The following ABCA6 variants were observed in gnomAD, a reference collection of about 807,000 sequenced individuals.
ABCA6 encodes the protein ATP binding cassette subfamily A member 6, also known as ATP-binding cassette sub-family A member 6.
In ABCA6, 164 loss-of-function variants were observed where a neutral mutation model predicts 191.2. The ratio of observed to expected loss-of-function variants is 0.86; its 90% CI spans 0.76 to 0.98. The LOEUF (loss-of-function observed/expected upper bound fraction) is 0.98, where lower values mean the gene tolerates loss of function less well. ABCA6 is among the 50% of genes least tolerant of loss of function. The pLI, the probability that ABCA6 is intolerant of heterozygous loss-of-function variation, is 0.00. For missense variants in ABCA6, 1,958 were observed against 1,894.1 expected (o/e 1.03, Z -0.63); for synonymous variants, 636 against 647.7 (o/e 0.98, Z 0.27).
At chr17:69,100,028 G>C (rs1387696736) in intron 22 of ABCA6, among the ~76,000 whole-genome samples, 3 of 152,222 alleles carry the variant, frequency 2.0e-5, no homozygotes, top group Non-Finnish European at 4.4e-5. Flanking sequence ...TTGGTATCAG[G>C]CAGGGTCTAA....
intron 11 of ABCA6, among the ~76,000 whole-genome samples, chr17:69,117,012 T>G (rs937266582): frequency 1.3e-5 from 2 of 152,060 alleles, no homozygotes; most frequent in Non-Finnish European, 2.9e-5. Context: ...AGTAATCAAT[T>G]TAAAATTATT....
rs1281578211 is a variant in ABCA6 at position 69,113,263 on chromosome 17, A to G, written c.2000T>C (p.Leu667Pro). The G allele has an allele frequency of 1.2e-6, 2 of 1,605,502 alleles. No homozygotes were observed. Among genetic ancestry groups the G allele is most frequent in the South Asian group, 2.2e-5 (2 of 89,934 alleles). The change falls in exon 15 of 39, where the codon CTT (leucine) becomes CCT (proline). Residue 667 changes from leucine (L) to proline (P), a missense_variant. Physicochemically the swap from Leu to Pro is moderately conservative, Grantham distance 98. Transcript: ENST00000284425. ...LRERRADHVI[L>P]FSTQSMDEAD... is the part of the protein sequence containing the mutation. ...CTCATCCATGGACTGGGTACTGAAA[A>G]GGATCACATGATCTGCTCTACGCTC... is the stretch of plus-strand genomic sequence containing the variant.
intron 2 of ABCA6, among the ~76,000 whole-genome samples, chr17:69,137,955 G>A (rs919914401): frequency 6.6e-6 from 1 of 152,170 alleles, no homozygotes; most frequent in Admixed American, 6.6e-5. Context: ...GTTCACCAAT[G>A]TCAATCATCA....
rs2073997536 is a variant in ABCA6, at chr17:69,139,536, T to G, written c.96+1072A>C. Among the ~76,000 whole-genome samples, 8 of 152,284 alleles carry G rather than the reference T, an allele frequency of 5.3e-5. No individual in the cohort carries two copies. The South Asian group carries it at 1.2e-3, about 24-fold the overall frequency. On this transcript the variant is annotated intron_variant, in intron 2 of 38. Transcript: ENST00000284425. ...AGTTCAACCATTGTGGAAGTCAGTG[T>G]GGTGATTCCTCAGGGATCTAGAACT...
chr17:69,087,266 T>G, intron 29 of ABCA6, 87 bp downstream of exon 29: 1 of 1,537,084 alleles, frequency 6.5e-7, no homozygotes, highest in African/African-American at 1.4e-5. Flanking sequence ...CTCCAAACTC[T>G]CAAAATGAAA....
rs1427040232 is a variant in ABCA6, at chr17:69,082,893, T to G, written c.4596A>C (p.Pro1532=). 6.2e-7 allele frequency: 1 copy of G among 1,614,200 alleles called. No individual in the cohort carries two copies. Among genetic ancestry groups the G allele is most frequent in the African/African-American group, 1.3e-5 (1 of 75,048 alleles). Residue 1532 remains proline, a synonymous_variant, in exon 36 of 39, where the codon CCA becomes CCC. Transcript: ENST00000284425. The part of the protein sequence containing the change: ...LVHTEILKLF[P]QAAGQERYSS... ...CTCACCTTTCCTGCCCTGCAGCCTG[T>G]GGGAAAAGCTTCAGAATCTCAGTGT...
rs376245759 is a variant in ABCA6 at position 69,096,231 on chromosome 17, T to C, written c.3408+9A>G. On this transcript the variant is annotated intron_variant, in intron 25 of 38. Transcript: ENST00000284425. Reference sequence around the variant, plus strand: ...ACTATTTCTCTATTTGTATGTATTATATACTTACAAAAAAGAAGTAAAATG... The same window carrying C: ...ACTATTTCTCTATTTGTATGTATTACATACTTACAAAAAAGAAGTAAAATG... The C allele has an allele frequency of 1.5e-6, 2 of 1,348,252 alleles. No individual in the cohort carries two copies. Among genetic ancestry groups the C allele is most frequent in the African/African-American group, 1.5e-5 (1 of 67,554 alleles). 83.5% of individuals were successfully genotyped at this position (1,348,252 alleles called of 1,614,324 possible).
chr17:69,125,036 C>A lies in ABCA6; in HGVS notation c.1120-1G>T. 2.3e-6 allele frequency: 3 copies of A among 1,332,510 alleles called. No homozygotes were observed. Among genetic ancestry groups the A allele is most frequent in the South Asian group, 2.0e-5 (1 of 49,624 alleles). The allele number at this position is 1,332,510 out of a possible 1,614,324, so 82.5% of individuals were successfully genotyped here. A position where few individuals can be genotyped will look rare whatever the true frequency, so the allele number is the denominator to read the frequency against. On this transcript the variant is annotated splice_acceptor_variant, in intron 8 of 38. Coordinates refer to ENST00000284425, the MANE Select transcript of ABCA6 (RefSeq NM_080284.3). LOFTEE classifies it high-confidence loss of function. ...TCAAGTTATAATCCAGTTTGATAAT[C>A]TAAGATTCAAAAAATAAAAATAAAT...
At chr17:69,129,197 G>A (rs143293866) in intron 7 of ABCA6, among the ~76,000 whole-genome samples, 62 of 152,150 alleles carry the variant, frequency 4.1e-4, no homozygotes, top group African/African-American at 1.3e-3. Context: ...AAGGCAGAGC[G>A]GAGTGAAACG....
Position 69,114,793 on chromosome 17 carries a change from T to A in ABCA6, c.1751A>T (p.Lys584Ile). 6.2e-7 allele frequency: 1 copy of A among 1,612,226 alleles called. No individual in the cohort carries two copies. The highest frequency in any genetic ancestry group is 8.5e-7 in the Non-Finnish European group (1 of 1,179,058). Residue 584 changes from lysine (K) to isoleucine (I), a missense_variant, in exon 13 of 39, where the codon AAA becomes ATA. By Grantham distance (102) the Lys-to-Ile change is moderately radical. Coordinates refer to ENST00000284425, the MANE Select transcript of ABCA6 (RefSeq NM_080284.3). Reference protein sequence around the residue: ...KENLSLFAKIKGIHLKEVEQE... With the variant: ...KENLSLFAKIIGIHLKEVEQE... Reference sequence around the variant, plus strand: ...TTCCACTTCCTTTAGATGAATCCCTTTTATTTTAGCAAACAGGCTGAGGTT... The same window carrying A: ...TTCCACTTCCTTTAGATGAATCCCTATTATTTTAGCAAACAGGCTGAGGTT...
At position 69,107,774 on chromosome 17, in the gene ABCA6, C is replaced by T. The variant is rs1349613364; in HGVS notation, c.2311G>A (p.Val771Met). Residue 771 changes from valine to methionine, a missense_variant, in exon 18 of 39, where the codon GTG becomes ATG. Physicochemically the swap from Val to Met is conservative, Grantham distance 21. Coordinates refer to ENST00000284425, the MANE Select transcript of ABCA6 (RefSeq NM_080284.3). Reference sequence around the variant, plus strand: ...GACATGGAAATGTCATAACCTGTCACTCCCTGGTCAGAACACTTATCCAGA... The same window carrying T: ...GACATGGAAATGTCATAACCTGTCATTCCCTGGTCAGAACACTTATCCAGA... ...SDLDKCSDQG[V>M]TGYDISMSTL... The T allele has an allele frequency of 2.5e-6, 4 of 1,612,534 alleles. No homozygotes were observed. Among genetic ancestry groups the T allele is most frequent in the African/African-American group, 1.3e-5 (1 of 74,826 alleles).
chr17:69,096,830 A>ATG lies in ABCA6; in HGVS notation c.3121-31_3121-30dup, dbSNP rs748950591. 3 of 1,479,384 alleles carry ATG rather than the reference A, an allele frequency of 2.0e-6. No individual in the cohort carries two copies. The African/African-American group carries it at 4.4e-5, about 22-fold the overall frequency. The allele number at this position is 1,479,384 out of a possible 1,614,324, so 91.6% of individuals were successfully genotyped here. A position where few individuals can be genotyped will look rare whatever the true frequency, so the allele number is the denominator to read the frequency against. Reference sequence around the variant, plus strand: ...ATTAAAAAAAAAAAGAAAGAAAGAAATGTATATAGATTCAATTAAAATGCA... The same window carrying ATG: ...ATTAAAAAAAAAAAGAAAGAAAGAAATGTGTATATAGATTCAATTAAAATGCA... On this transcript the variant is annotated intron_variant, in intron 23 of 38. Transcript: ENST00000284425.
chr17:69,087,524 T>C (rs1222842324), intron 28 of ABCA6, 51 bp from the exon 29 acceptor site: 2 of 1,605,354 alleles, frequency 1.2e-6, no homozygotes, highest in African/African-American at 1.3e-5. Context: ...TGTTAAAAGA[T>C]GTGTCAAAAA....
intron 17 of ABCA6, chr17:69,109,498 A>G (rs998828309): frequency 1.3e-5 from 2 of 152,202 alleles, no homozygotes; most frequent in African/African-American, 2.4e-5. Context: ...TTCTCTGCAA[A>G]ATAGTACATG....
intron 4 of ABCA6, chr17:69,135,829 T>A (rs1427901492): frequency 2.2e-6 from 1 of 456,516 alleles, no homozygotes; most frequent in Non-Finnish European, 3.8e-6. Context: ...CACCTGAGGC[T>A]GGGGCCTGTC....
intron 10 of ABCA6, among the ~76,000 whole-genome samples, chr17:69,119,741 T>C (rs8065842): frequency 0.2 from 30,180 of 151,998 alleles, 5,913 homozygotes; most frequent in African/African-American, 0.5. Flanking sequence ...TATACATATA[T>C]ACATGCACTC....
At chr17:69,101,546 C>T (rs550880893) in intron 21 of ABCA6, among the ~76,000 whole-genome samples, 2 of 150,010 alleles carry the variant, frequency 1.3e-5, no homozygotes, top group African/African-American at 2.5e-5. Flanking sequence ...TAGTGAGCTG[C>T]GATCACACCA....
rs2074005321 is a variant in ABCA6, at chr17:69,140,071, C to T, written c.96+537G>A. ...ATGTAACTAACCTGCACATTGTGCA[C>T]ATGTACCCTAAAACTTAAAGTATAA... On this transcript the variant is annotated intron_variant, in intron 2 of 38. Transcript: ENST00000284425. Among the ~76,000 whole-genome samples, 3 of 151,768 alleles carry T rather than the reference C, an allele frequency of 2.0e-5. No individual in the cohort carries two copies. The South Asian group carries it at 6.2e-4, about 32-fold the overall frequency.
intron 37 of ABCA6, among the ~76,000 whole-genome samples, chr17:69,079,832 G>T (rs1266829127): frequency 6.6e-6 from 1 of 152,216 alleles, no homozygotes; most frequent in Non-Finnish European, 1.5e-5. Context: ...TTGCATTTTA[G>T]TGGGAGGAAT....
Sources: gnomAD v4.1 joint callset for allele counts (sites outside exome capture counted in the v4.1 genomes callset) on GRCh38, gnomAD v4.1.1 for gene constraint, MANE v1.5 for transcripts, NCBI Gene and HGNC (gene_info 2026-07-23, HGNC 2026-07-21) for gene names.